EDNRA: variants seen among roughly 807,000 people sequenced by gnomAD.
The protein encoded by EDNRA is endothelin-1 receptor.
A neutral mutation model predicts 41.4 loss-of-function variants in EDNRA; 11 were observed. The observed-to-expected ratio is 0.27, with a 90% CI of 0.17 to 0.44. EDNRA has a LOEUF of 0.44. EDNRA is among the 20% of genes least tolerant of loss of function. EDNRA has a pLI of 1.00. For missense variants in EDNRA, 294 were observed against 531.0 expected (o/e 0.55, Z 4.39); for synonymous variants, 172 against 183.0 (o/e 0.94, Z 0.49).
intron 3 of EDNRA, among the ~76,000 whole-genome samples, chr4:147,523,167 G>C (rs1194226521): frequency 1.3e-5 from 2 of 152,212 alleles, no homozygotes; most frequent in Non-Finnish European, 2.9e-5. Flanking sequence ...CAGGTAGTAT[G>C]AGAATAGATA....
In EDNRA at chr4:147,519,602, C is replaced by T. The variant is rs769770996; in HGVS notation, c.421-249C>T. On this transcript the variant is annotated intron_variant, in intron 2 of 7. Transcript: ENST00000651419. This position sits in a 1 kb window ranked among gnomAD's most constrained non-coding sequence, Gnocchi z 4.1. ...TGATTTTTATGTATTAAATATATAT[C>T]ACAATATATTCATGTTACTACATAT... Among the ~76,000 whole-genome samples, 312 of 149,620 alleles carry T rather than the reference C, an allele frequency of 2.1e-3. 1 individual carries two copies. Among genetic ancestry groups the T allele is most frequent in the Non-Finnish European group, 3.8e-3 (258 of 67,534 alleles).
intron 2 of EDNRA, among the ~76,000 whole-genome samples, chr4:147,509,708 T>G (rs546033319): frequency 2.0e-5 from 3 of 152,210 alleles, no homozygotes; most frequent in Admixed American, 2.0e-4. Context: ...ACAAGGGATC[T>G]AGATTGTGCA....
At chr4:147,489,399 T>A (rs1164316737) in intron 2 of EDNRA, 1 of 152,178 alleles carries the variant, frequency 6.6e-6, no homozygotes, top group Non-Finnish European at 1.5e-5. Flanking sequence ...AAGTAGACTA[T>A]TTAAAGATTG....
intron 2 of EDNRA, among the ~76,000 whole-genome samples, chr4:147,496,989 T>A (rs1729321343): frequency 6.6e-6 from 1 of 152,252 alleles, no homozygotes; most frequent in African/African-American, 2.4e-5. Context: ...ATCTGTCATA[T>A]TTATGTATCA....
At chr4:147,528,267 C>T (rs1034449457) in intron 3 of EDNRA, among the ~76,000 whole-genome samples, 25 of 152,012 alleles carry the variant, frequency 1.6e-4, no homozygotes, top group African/African-American at 5.8e-4. Flanking sequence ...TTATTTGGCA[C>T]TTGTTGTTCT....
At chr4:147,491,227 A>T (rs1436328635) in intron 2 of EDNRA, 1 of 152,048 alleles carries the variant, frequency 6.6e-6, no homozygotes, top group African/African-American at 2.4e-5. Flanking sequence ...AAAAGTCAAG[A>T]CTCTCAATAT....
At position 147,519,353 on chromosome 4, in the gene EDNRA, G is replaced by A. The variant is rs1730231954; in HGVS notation, c.421-498G>A. ...ACAATATAATCTGCCAATTCCAGTAGTTGAAATTATTTGCTTTACTCATGG... is the reference window on the plus strand; with the variant it reads ...ACAATATAATCTGCCAATTCCAGTAATTGAAATTATTTGCTTTACTCATGG... On this transcript the variant is annotated intron_variant, in intron 2 of 7. Coordinates refer to ENST00000651419, the MANE Select transcript of EDNRA (RefSeq NM_001957.4). The surrounding 1 kb of genome is among the most constrained non-coding windows in gnomAD (Gnocchi z 4.1). 6.6e-6 allele frequency among the ~76,000 whole-genome samples: 1 copy of A among 151,982 alleles called. No individual in the cohort carries two copies. The highest frequency in any genetic ancestry group is 1.5e-5 in the Non-Finnish European group (1 of 67,990).
intron 3 of EDNRA, among the ~76,000 whole-genome samples, chr4:147,531,065 T>C (rs185572148): frequency 6.6e-6 from 1 of 152,164 alleles, no homozygotes; most frequent in Non-Finnish European, 1.5e-5. Context: ...TCAAAGAACA[T>C]AGAATTTCTA....
At chr4:147,528,629 C>A (rs1036645725) in intron 3 of EDNRA, among the ~76,000 whole-genome samples, 1 of 152,016 alleles carries the variant, frequency 6.6e-6, no homozygotes. Context: ...CCATCGCACC[C>A]GGCTGGGAAC....
intron 4 of EDNRA, among the ~76,000 whole-genome samples, chr4:147,534,599 A>G (rs1730858206): frequency 6.6e-6 from 1 of 152,184 alleles, no homozygotes; most frequent in East Asian, 1.9e-4. Context: ...ACGATATAAC[A>G]CTTGTATAAT....
At chr4:147,506,422 A>G in intron 2 of EDNRA, 1 of 399,910 alleles carries the variant, frequency 2.5e-6, no homozygotes, top group South Asian at 2.2e-5. Flanking sequence ...TTGCAAATAG[A>G]GGAATCTTCC....
Position 147,542,661 on chromosome 4 carries a change from G to A in EDNRA, c.*43G>A. On this transcript the variant is annotated 3_prime_UTR_variant, in exon 8 of 8. Transcript: ENST00000651419. ...CCTCGGTACTCCCATAATCCTCTCG[G>A]AGAAAAAAATCACAAGGCAACTGTG... is the stretch of plus-strand genomic sequence containing the variant. 6.3e-7 allele frequency: 1 copy of A among 1,588,692 alleles called. No individual in the cohort carries two copies.
chr4:147,538,708 A>G (rs1730996629), intron 5 of EDNRA, among the ~76,000 whole-genome samples: 1 of 152,134 alleles, frequency 6.6e-6, no homozygotes, highest in African/African-American at 2.4e-5. Flanking sequence ...AGCTAGCCCA[A>G]TAACTATGAG....
chr4:147,507,900 A>G (rs1729777320), intron 2 of EDNRA, among the ~76,000 whole-genome samples: 1 of 152,206 alleles, frequency 6.6e-6, no homozygotes, highest in South Asian at 2.1e-4. Context: ...CTTAATGGCT[A>G]AGGATGTTGA....
At chr4:147,512,108 T>C (rs1253787686) in intron 2 of EDNRA, among the ~76,000 whole-genome samples, 1 of 152,202 alleles carries the variant, frequency 6.6e-6, no homozygotes, top group Non-Finnish European at 1.5e-5. Flanking sequence ...TTCTCTAAAG[T>C]TCCATTCTTC....
intron 2 of EDNRA, among the ~76,000 whole-genome samples, chr4:147,496,532 T>C (rs181131854): frequency 1.3e-5 from 2 of 152,346 alleles, no homozygotes; most frequent in East Asian, 1.9e-4. Context: ...AATGAACACA[T>C]GTGTAACCAG....
intron 2 of EDNRA, chr4:147,488,489 G>C (rs1729017977): frequency 6.6e-6 from 1 of 152,084 alleles, no homozygotes; most frequent in African/African-American, 2.4e-5. Flanking sequence ...CAGTTTGACT[G>C]GTACTTTTAC....
chr4:147,505,327 ATTTTTTTTTTT>A lies in EDNRA; in HGVS notation c.421-14506_421-14496del, dbSNP rs869077171. ...AGAGAGTTTGGCAGTTTCTTTTTTC[ATTTTTTTTTTT>A]TTTTTTTTTTTTTTTTTGGAGGTGG... is the stretch of plus-strand genomic sequence containing the variant. On this transcript the variant is annotated intron_variant, in intron 2 of 7. Coordinates refer to ENST00000651419, the MANE Select transcript of EDNRA (RefSeq NM_001957.4). 1.6e-3 allele frequency among the ~76,000 whole-genome samples: 129 copies of A among 79,690 alleles called. 7 individuals are homozygous for A. In the South Asian group the frequency reaches 0.047, roughly 29 times the overall value. The allele number at this position is 79,690 out of a possible 152,430, so 52.3% of individuals were successfully genotyped here.
At chr4:147,501,026 T>A (rs1299607352) in intron 2 of EDNRA, among the ~76,000 whole-genome samples, 1 of 152,220 alleles carries the variant, frequency 6.6e-6, no homozygotes, top group African/African-American at 2.4e-5. Context: ...CCAAAGCCCA[T>A]CTCTCTTGTG....
Sources: gnomAD v4.1 joint callset for allele counts (sites outside exome capture counted in the v4.1 genomes callset) on GRCh38, gnomAD v4.1.1 for gene constraint, Gnocchi (gnomAD v3.1) non-coding constraint, MANE v1.5 for transcripts, NCBI Gene and HGNC (gene_info 2026-07-23, HGNC 2026-07-21) for gene names.